Variants in SPIDR observed in about 807,000 individuals in gnomAD.
SPIDR encodes the protein DNA repair-scaffolding protein.
SPIDR carries 93 observed loss-of-function variants against 104.6 expected under a neutral mutation model. The observed-to-expected ratio is 0.89, with a 90% CI of 0.75 to 1.06. SPIDR has a LOEUF of 1.06. Among genes scored for constraint, SPIDR ranks in the 50% least tolerant of loss-of-function variants. The pLI, the probability that SPIDR is intolerant of heterozygous loss-of-function variation, is 0.00. For missense variants in SPIDR, 1,154 were observed against 1,111.2 expected, an observed-to-expected ratio of 1.04 and a Z score of -0.55; for synonymous variants, 431 against 416.9, an observed-to-expected ratio of 1.03 and a Z score of -0.41.
intron 11 of SPIDR, among the ~76,000 whole-genome samples, chr8:47,692,601 G>A (rs541191275): frequency 3.4e-5 from 5 of 149,228 alleles, no homozygotes; most frequent in Admixed American, 6.8e-5. Context: ...GGGTTCAAGC[G>A]ATTCTCCTGC....
intron 5 of SPIDR, among the ~76,000 whole-genome samples, chr8:47,392,799 A>G (rs2060758186): frequency 6.6e-6 from 1 of 152,192 alleles, no homozygotes; most frequent in Admixed American, 6.5e-5. Context: ...TGCCTATCCA[A>G]ACTTTCTAAA....
intron 16 of SPIDR, among the ~76,000 whole-genome samples, chr8:47,721,558 G>A (rs1024072915): frequency 7.3e-5 from 11 of 151,590 alleles, no homozygotes; most frequent in African/African-American, 2.2e-4. Flanking sequence ...TGCAAGCTCC[G>A]CCTCCCGGGT....
At chr8:47,464,371 A>T (rs148847900) in intron 8 of SPIDR, among the ~76,000 whole-genome samples, 1 of 152,240 alleles carries the variant, frequency 6.6e-6, no homozygotes, top group Non-Finnish European at 1.5e-5. Context: ...ATGGCCAGCT[A>T]GATGCAGTTA....
rs1404030666 is a variant in SPIDR, at chr8:47,275,407, AT to A, written c.34-4447del. On this transcript the variant is annotated intron_variant, in intron 1 of 19. Coordinates refer to ENST00000297423, the MANE Select transcript of SPIDR (RefSeq NM_001080394.4). ...ATATATATTTAAAAATTTGTACATTATTTTTTTTAAATTTAATGTCATTAGT... is the reference window on the plus strand; with the variant it reads ...ATATATATTTAAAAATTTGTACATTATTTTTTTAAATTTAATGTCATTAGT... Among the ~76,000 whole-genome samples the A allele has an allele frequency of 7.9e-3, 1,195 of 151,970 alleles. 7 individuals carry two copies. The highest frequency in any genetic ancestry group is 0.014 in the Non-Finnish European group (955 of 67,936).
chr8:47,438,404 G>T (rs2068764557), intron 7 of SPIDR, among the ~76,000 whole-genome samples: 1 of 152,210 alleles, frequency 6.6e-6, no homozygotes, highest in Non-Finnish European at 1.5e-5. Flanking sequence ...TGCTTCTGAA[G>T]ACTCTAATTC....
chr8:47,434,927 G>A (rs533058948), intron 7 of SPIDR, among the ~76,000 whole-genome samples: 2 of 152,084 alleles, frequency 1.3e-5, no homozygotes, highest in South Asian at 4.1e-4. Context: ...GACATATTTT[G>A]TTATTCTATC....
chr8:47,404,235 A>G (rs2062370209), intron 6 of SPIDR, among the ~76,000 whole-genome samples: 1 of 152,236 alleles, frequency 6.6e-6, no homozygotes, highest in African/African-American at 2.4e-5. Flanking sequence ...TTAAACCTAA[A>G]TCTTAAAAAC....
intron 5 of SPIDR, among the ~76,000 whole-genome samples, chr8:47,358,469 T>G (rs2055020328): frequency 1.3e-5 from 2 of 152,186 alleles, no homozygotes; most frequent in African/African-American, 4.8e-5. Context: ...TTAGAAATGA[T>G]AAATTTACAA....
intron 1 of SPIDR, among the ~76,000 whole-genome samples, chr8:47,271,730 A>G (rs969887274): frequency 2.6e-5 from 4 of 151,966 alleles, no homozygotes; most frequent in African/African-American, 4.8e-5. Flanking sequence ...TCTCAGGGAC[A>G]TTTTCTTTTG....
chr8:47,518,688 A>G lies in SPIDR; in HGVS notation c.1098-77123A>G, dbSNP rs545689601. On this transcript the variant is annotated intron_variant, in intron 8 of 19. Transcript: ENST00000297423. ...GTCTTGCTCTGTCGCCCAGGCTGGA[A>G]TGCAGTGGCGCAATCTCGGCTCACT... 4.2e-4 allele frequency among the ~76,000 whole-genome samples: 64 copies of G among 151,030 alleles called. No individual in the cohort carries two copies. In the East Asian group the frequency reaches 5.1e-3, roughly 12 times the overall value.
chr8:47,268,494 A>G (rs1041236426), intron 1 of SPIDR, among the ~76,000 whole-genome samples: 5 of 152,088 alleles, frequency 3.3e-5, no homozygotes, highest in African/African-American at 9.7e-5. Context: ...ATTTCTATCT[A>G]TGTTTTACAG....
intron 8 of SPIDR, among the ~76,000 whole-genome samples, chr8:47,489,565 C>G (rs1377839049): frequency 2.0e-5 from 3 of 152,180 alleles, no homozygotes; most frequent in Non-Finnish European, 4.4e-5. Flanking sequence ...GCCAAAAGAA[C>G]AAAGCTGGAA....
chr8:47,666,554 G>A (rs964695586), intron 10 of SPIDR, among the ~76,000 whole-genome samples: 14 of 151,990 alleles, frequency 9.2e-5, no homozygotes, highest in Non-Finnish European at 2.9e-5. Context: ...TGGTTTTTGG[G>A]CAAGATAGTA....
At chr8:47,657,941 G>T (rs2073159452) in intron 10 of SPIDR, among the ~76,000 whole-genome samples, 1 of 144,406 alleles carries the variant, frequency 6.9e-6, no homozygotes, top group African/African-American at 2.6e-5. Context: ...GCAGTGGAAT[G>T]ATCACTTGAG....
chr8:47,362,372 A>G (rs372160041), intron 5 of SPIDR, among the ~76,000 whole-genome samples: 8 of 152,044 alleles, frequency 5.3e-5, no homozygotes, highest in South Asian at 2.1e-4. Context: ...GAGTCCTCCT[A>G]TGCATCCTGT....
At chr8:47,589,981 A>G (rs2060793119) in intron 8 of SPIDR, among the ~76,000 whole-genome samples, 1 of 152,110 alleles carries the variant, frequency 6.6e-6, no homozygotes, top group Non-Finnish European at 1.5e-5. Flanking sequence ...CATCCTGACC[A>G]ACATGGTGAA....
In SPIDR at chr8:47,305,872, T is replaced by G. The variant is rs1477106843; in HGVS notation, c.525+11842T>G. 2.6e-5 allele frequency among the ~76,000 whole-genome samples: 4 copies of G among 152,346 alleles called. No individual in the cohort carries two copies. The East Asian group carries it at 7.7e-4, about 29-fold the overall frequency. On this transcript the variant is annotated intron_variant, in intron 5 of 19. Transcript: ENST00000297423. Reference sequence around the variant, plus strand: ...TTTTAAAATGTGCAATTCAGTGGTATTGAGTATCTTCATAATGTTGTGTAA... The same window carrying G: ...TTTTAAAATGTGCAATTCAGTGGTAGTGAGTATCTTCATAATGTTGTGTAA...
chr8:47,349,927 G>A (rs2053104643), intron 5 of SPIDR, among the ~76,000 whole-genome samples: 1 of 152,180 alleles, frequency 6.6e-6, no homozygotes, highest in African/African-American at 2.4e-5. Flanking sequence ...GTGCTTCCTG[G>A]GTGAGGCGAT....
At chr8:47,588,026 CATATATATATATATATATATATATAT>C (rs71548440) in intron 8 of SPIDR, among the ~76,000 whole-genome samples, 368 of 23,412 alleles carry the variant, frequency 0.016, 19 homozygotes, top group South Asian at 0.038. Context: ...TTAAAATTAG[CATATATATATATATATATATATATAT>C]ATATATATAT....
Sources: allele counts gnomAD v4.1 joint callset (sites outside exome capture counted in the v4.1 genomes callset), GRCh38; gene constraint gnomAD v4.1.1; transcripts MANE v1.5; gene names NCBI Gene and HGNC (gene_info 2026-07-23, HGNC 2026-07-21).